The following INSYN2A variants were observed in gnomAD, a reference collection of about 807,000 sequenced individuals.
INSYN2A encodes inhibitory synaptic factor 2A.
In INSYN2A, 17 loss-of-function variants were observed where a neutral mutation model predicts 39.4. The ratio of observed to expected loss-of-function variants is 0.43; its 90% CI spans 0.30 to 0.65. The LOEUF is 0.65. Ranked by LOEUF, INSYN2A falls within the 30% of genes least tolerant of loss-of-function variation. The probability of loss-of-function intolerance (pLI) is 0.14; values close to 1 mark genes in which losing one functional copy is unlikely to be tolerated. For synonymous variants in INSYN2A, 255 were observed against 265.7 expected (o/e 0.96, Z 0.39); for missense variants, 595 against 631.2 (o/e 0.94, Z 0.61).
At position 127,186,515 on chromosome 10, in the gene INSYN2A, G is replaced by A. The variant is rs58421021; in HGVS notation, c.-269+6090C>T. 0.012 allele frequency among the ~76,000 whole-genome samples: 152 copies of A among 12,634 alleles called. 37 individuals are homozygous for A. The East Asian group carries it at 0.21, about 18-fold the overall frequency. The allele number at this position is 12,634 out of a possible 152,430, so 8.3% of individuals were successfully genotyped here. A position where few individuals can be genotyped will look rare whatever the true frequency, so the allele number is the denominator to read the frequency against. ...ACAGCATGGGAGAAACCGCCCCCCC[G>A]CCCCCCCCCGATCCAGTTACCTCCA... On this transcript the variant is annotated intron_variant, in intron 2 of 5. Transcript: ENST00000522781.
rs538696054 is a variant in INSYN2A at position 127,156,299 on chromosome 10, T to C, written c.1185-2376A>G. ...TCACACTTCAGGTCCAGGATCTCAT[T>C]ATTCTTAGGCCCCAGGCTTCTGATG... is the stretch of plus-strand genomic sequence containing the variant. On this transcript the variant is annotated intron_variant, in intron 4 of 5. Coordinates refer to ENST00000522781, the MANE Select transcript of INSYN2A (RefSeq NM_001039762.3). Among the ~76,000 whole-genome samples the C allele has an allele frequency of 2.6e-5, 4 of 152,222 alleles. No individual in the cohort carries two copies. The South Asian group carries it at 8.3e-4, about 32-fold the overall frequency.
intron 5 of INSYN2A, among the ~76,000 whole-genome samples, chr10:127,138,398 C>T (rs1185443641): frequency 1.3e-5 from 2 of 152,134 alleles, no homozygotes; most frequent in Non-Finnish European, 2.9e-5. Context: ...CAGGGGTCAC[C>T]TTAGTACATC....
intron 4 of INSYN2A, among the ~76,000 whole-genome samples, chr10:127,171,975 G>T (rs2054614077): frequency 6.6e-6 from 1 of 152,204 alleles, no homozygotes; most frequent in Non-Finnish European, 1.5e-5. Context: ...AAAGTGCTGG[G>T]ATTACAGGCA....
At chr10:127,188,927 G>C (rs1179642186) in intron 2 of INSYN2A, among the ~76,000 whole-genome samples, 1 of 152,232 alleles carries the variant, frequency 6.6e-6, no homozygotes, top group Non-Finnish European at 1.5e-5. Flanking sequence ...GCAGAGCCAG[G>C]AGGGCAAAGG....
chr10:127,152,200 G>A (rs2052566376), intron 5 of INSYN2A, among the ~76,000 whole-genome samples: 1 of 152,134 alleles, frequency 6.6e-6, no homozygotes, highest in Admixed American at 6.5e-5. Flanking sequence ...TCTACACTCT[G>A]CACTTCCTAA....
chr10:127,176,405 A>G lies in INSYN2A; in HGVS notation c.-5-5T>C, dbSNP rs1462194396. On this transcript the variant is annotated splice_region_variant and splice_polypyrimidine_tract_variant and intron_variant, in intron 3 of 5. Transcript: ENST00000522781. The surrounding 1 kb of genome is among the most constrained non-coding windows in gnomAD (Gnocchi z 4.4). ...TGTCCTTACTGACCATGGTTCCTGC[A>G]TTCAGAAACAGCAACAGAGGTGTCA... 2 of 1,587,906 alleles carry G rather than the reference A, an allele frequency of 1.3e-6. No individual in the cohort carries two copies. The highest frequency in any genetic ancestry group is 1.1e-5 in the South Asian group (1 of 87,670).
chr10:127,183,689 TG>T (rs897929498), intron 2 of INSYN2A, among the ~76,000 whole-genome samples: 3 of 152,208 alleles, frequency 2.0e-5, no homozygotes, highest in Non-Finnish European at 2.9e-5. Flanking sequence ...AGCTATTCAT[TG>T]CAAGTGTGCA....
At position 127,196,337 on chromosome 10, in the gene INSYN2A, G is replaced by A. The variant is rs1405943592; in HGVS notation, c.-735C>T. 2.0e-5 allele frequency among the ~76,000 whole-genome samples: 3 copies of A among 148,700 alleles called. No individual in the cohort carries two copies. Among genetic ancestry groups the A allele is most frequent in the African/African-American group, 7.3e-5 (3 of 41,114 alleles). ...GACGCCCGCGCGCTCGCTTGCTCGC[G>A]ACGCGGCGGAGCCAGCCACAGCCAC... On this transcript the variant is annotated 5_prime_UTR_variant, in exon 1 of 6. Transcript: ENST00000522781.
At chr10:127,160,174 G>T (rs2053473797) in intron 4 of INSYN2A, among the ~76,000 whole-genome samples, 1 of 151,818 alleles carries the variant, frequency 6.6e-6, no homozygotes, top group African/African-American at 2.4e-5. Context: ...GCTGTCATTA[G>T]AAGCAAAGAC....
chr10:127,151,683 T>G (rs1448575360), intron 5 of INSYN2A, among the ~76,000 whole-genome samples: 2 of 152,160 alleles, frequency 1.3e-5, no homozygotes, highest in African/African-American at 4.8e-5. Flanking sequence ...TAGTCATGCA[T>G]TTTCCCTGCT....
chr10:127,141,743 G>A (rs993749920), intron 5 of INSYN2A, among the ~76,000 whole-genome samples: 1 of 151,854 alleles, frequency 6.6e-6, no homozygotes, highest in Non-Finnish European at 1.5e-5. Flanking sequence ...CTTTGTTTTG[G>A]CCAAAAATTA....
At chr10:127,147,771 G>A (rs2052035251) in intron 5 of INSYN2A, among the ~76,000 whole-genome samples, 1 of 151,440 alleles carries the variant, frequency 6.6e-6, no homozygotes, top group African/African-American at 2.4e-5. Flanking sequence ...GGTGGCTCAT[G>A]CCTGTAATCC....
rs1355094524 is a variant in INSYN2A at position 127,137,324 on chromosome 10, A to T, written c.*513T>A. ...TTATTCATGGTCTCCGACCACTTGA[A>T]AAAATTGTGCTTTCTCCGGAATTTG... On this transcript the variant is annotated 3_prime_UTR_variant, in exon 6 of 6. Coordinates refer to ENST00000522781, the MANE Select transcript of INSYN2A (RefSeq NM_001039762.3). 6.5e-6 allele frequency: 1 copy of T among 153,204 alleles called. No individual in the cohort carries two copies. The highest frequency in any genetic ancestry group is 3.2e-3 in the Middle Eastern group (1 of 316). 9.5% of individuals were successfully genotyped at this position (153,204 alleles called of 1,614,324 possible).
At chr10:127,172,860 G>A (rs540364195) in intron 4 of INSYN2A, among the ~76,000 whole-genome samples, 62 of 152,296 alleles carry the variant, frequency 4.1e-4, no homozygotes, top group African/African-American at 1.3e-3. Flanking sequence ...ATGACATTTC[G>A]TGATGATGGA....
rs766884070 is a variant in INSYN2A, at chr10:127,176,748, G to A, written c.-6+129C>T. ...CTTTGCAAATTATCTTTTCACACGC[G>A]TGACTCCCCTTCTTAGGCAGATGGT... On this transcript the variant is annotated intron_variant, in intron 3 of 5. Coordinates refer to ENST00000522781, the MANE Select transcript of INSYN2A (RefSeq NM_001039762.3). The surrounding 1 kb of genome is among the most constrained non-coding windows in gnomAD (Gnocchi z 4.4). 3.5e-5 allele frequency: 7 copies of A among 197,792 alleles called. No homozygotes were observed. Among genetic ancestry groups the A allele is most frequent in the Admixed American group, 2.8e-4 (5 of 18,152 alleles). The allele number at this position is 197,792 out of a possible 1,614,324, so 12.3% of individuals were successfully genotyped here. A position where few individuals can be genotyped will look rare whatever the true frequency, so the allele number is the denominator to read the frequency against.
chr10:127,160,221 G>A (rs974012535), intron 4 of INSYN2A, among the ~76,000 whole-genome samples: 6 of 152,136 alleles, frequency 3.9e-5, no homozygotes, highest in African/African-American at 1.4e-4. Flanking sequence ...GGAATGGTTA[G>A]CAAGTGGAAA....
rs760274301 is a variant in INSYN2A, at chr10:127,136,763, T to C, written c.*1074A>G. ...TAGTACAACTTACTAATAGGTTAAA[T>C]GTAGGCGACATTGTCCCTTGGTAGC... On this transcript the variant is annotated 3_prime_UTR_variant, in exon 6 of 6. Coordinates refer to ENST00000522781, the MANE Select transcript of INSYN2A (RefSeq NM_001039762.3). The C allele has an allele frequency of 2.9e-4, 45 of 152,804 alleles. No homozygotes were observed. Among genetic ancestry groups the C allele is most frequent in the South Asian group, 4.1e-4 (2 of 4,830 alleles). 9.5% of individuals were successfully genotyped at this position (152,804 alleles called of 1,614,324 possible). A position where few individuals can be genotyped will look rare whatever the true frequency, so the allele number is the denominator to read the frequency against.
At chr10:127,182,500 C>T (rs1245578091) in intron 2 of INSYN2A, among the ~76,000 whole-genome samples, 1 of 152,130 alleles carries the variant, frequency 6.6e-6, no homozygotes, top group Non-Finnish European at 1.5e-5. Context: ...TGTTTCACTA[C>T]CCAGTTCTTT....
chr10:127,195,662 C>G (rs896554366), intron 1 of INSYN2A, among the ~76,000 whole-genome samples: 4 of 152,138 alleles, frequency 2.6e-5, no homozygotes, highest in Admixed American at 6.5e-5. Flanking sequence ...CTGTCGGGCG[C>G]TCACGAAGCT....
Sources: allele counts gnomAD v4.1 joint callset (sites outside exome capture counted in the v4.1 genomes callset), GRCh38; gene constraint gnomAD v4.1.1; non-coding constraint Gnocchi (gnomAD v3.1); transcripts MANE v1.5; gene names NCBI Gene and HGNC (gene_info 2026-07-23, HGNC 2026-07-21).